Variants in HYDIN observed in about 807,000 individuals in gnomAD.
HYDIN encodes the protein axonemal central pair apparatus protein HYDIN.
HYDIN carries 132 observed loss-of-function variants against 403.9 expected under a neutral mutation model. The observed-to-expected ratio is 0.33, with a 90% confidence interval of 0.28 to 0.38. The LOEUF (loss-of-function observed/expected upper bound fraction) is 0.38, where lower values mean the gene tolerates loss of function less well. Ranked by LOEUF, HYDIN falls within the 10% of genes least tolerant of loss-of-function variation. The probability of loss-of-function intolerance (pLI) is 1.00; values close to 1 mark genes in which losing one functional copy is unlikely to be tolerated. For missense variants in HYDIN, 2,827 were observed against 5,009.5 expected (o/e 0.56, Z 13.15); for synonymous variants, 1,202 against 1,891.7 (o/e 0.64, Z 9.46).
At chr16:71,071,150 A>G (rs1029048229) in intron 13 of HYDIN, among the ~76,000 whole-genome samples, 2 of 141,706 alleles carry the variant, frequency 1.4e-5, no homozygotes, top group African/African-American at 5.3e-5. Flanking sequence ...TGTGGAGCGT[A>G]TTATGGAAAG....
intron 16 of HYDIN, 64 bp from the exon 17 acceptor site, chr16:71,062,397 A>T (rs934946717): frequency 5.1e-6 from 7 of 1,369,334 alleles, no homozygotes; most frequent in African/African-American, 2.9e-5. Flanking sequence ...GTATTTGCTT[A>T]TTTTGAAGTG....
In HYDIN at chr16:70,803,863, G is replaced by A. The variant is rs1018321905; in HGVS notation, c.*3717C>T. Reference sequence around the variant, plus strand: ...TCACTGGGGGCCCAGTGTGGAACGAGGCCAGGGAGCCCCATTCCCATGGTA... The same window carrying A: ...TCACTGGGGGCCCAGTGTGGAACGAAGCCAGGGAGCCCCATTCCCATGGTA... On this transcript the variant is annotated 3_prime_UTR_variant, in exon 86 of 86. Transcript: ENST00000393567. 2.0e-5 allele frequency among the ~76,000 whole-genome samples: 3 copies of A among 152,150 alleles called. No homozygotes were observed. Among genetic ancestry groups the A allele is most frequent in the Non-Finnish European group, 4.4e-5 (3 of 68,026 alleles).
intron 18 of HYDIN, among the ~76,000 whole-genome samples, chr16:71,054,324 G>C (rs1207164194): frequency 6.6e-6 from 1 of 151,852 alleles, no homozygotes; most frequent in Admixed American, 6.6e-5. Context: ...CTCCACAGAT[G>C]TAACAATTTA....
At chr16:71,206,023 T>G (rs910737045) in intron 1 of HYDIN, among the ~76,000 whole-genome samples, 1 of 152,104 alleles carries the variant, frequency 6.6e-6, no homozygotes, top group Non-Finnish European at 1.5e-5. Flanking sequence ...TGCTGAGAGG[T>G]GCAGCCTCCT....
intron 72 of HYDIN, among the ~76,000 whole-genome samples, chr16:70,857,297 G>T (rs1173966201): frequency 2.0e-5 from 1 of 50,340 alleles, no homozygotes; most frequent in Non-Finnish European, 3.4e-5. Context: ...GATATTTGTT[G>T]AACCAAATAA....
rs112797122 is a variant in HYDIN at position 71,200,365 on chromosome 16, G to A, written c.-23-13447C>T. ...ACAAGATCCCAGAACCCTCTCTTGGGGTCTGGATCGGGACCCCTTTCCAGT... is the reference window on the plus strand; with the variant it reads ...ACAAGATCCCAGAACCCTCTCTTGGAGTCTGGATCGGGACCCCTTTCCAGT... On this transcript the variant is annotated intron_variant, in intron 1 of 85. Transcript: ENST00000393567. Among the ~76,000 whole-genome samples the A allele has an allele frequency of 8.5e-3, 1,295 of 152,190 alleles. 18 individuals are homozygous for A. The highest frequency in any genetic ancestry group is 0.03 in the African/African-American group (1,232 of 41,528).
At position 70,943,851 on chromosome 16, in the gene HYDIN, C is replaced by G. The variant is rs534624061; in HGVS notation, c.6630G>C (p.Pro2210=). The change falls in exon 42 of 86, where the codon CCG becomes CCC. Residue 2210 remains proline (P), a synonymous_variant. Transcript: ENST00000393567. ...CCAGGATCTGCACGAGAAGTTCATCCGGGAGCACACAGCTCATCAGCCCGG... is the reference window on the plus strand; with the variant it reads ...CCAGGATCTGCACGAGAAGTTCATCGGGGAGCACACAGCTCATCAGCCCGG... ...GETGLMSCVL[P]DELLVQILAE... is the part of the protein sequence containing the mutation. 1.2e-6 allele frequency: 2 copies of G among 1,613,432 alleles called. No homozygotes were observed. The highest frequency in any genetic ancestry group is 1.3e-5 in the African/African-American group (1 of 74,926).
Position 70,920,656 on chromosome 16 carries a change from G to A in HYDIN, c.7720C>T (p.Pro2574Ser). Reference protein sequence around the residue: ...LGVPFLDIQTPDFEGLSWKQA... With the variant: ...LGVPFLDIQTSDFEGLSWKQA... ...TTCCAGCTCAAGCCTTCAAAGTCTG[G>A]TGTCTGGATGTCTAGGAAGGGTACG... is the stretch of plus-strand genomic sequence containing the variant. The change falls in exon 46 of 86, where the codon CCA becomes TCA. Residue 2574 changes from proline (P) to serine (S), a missense_variant. Physicochemically the swap from Pro to Ser is moderately conservative, Grantham distance 74. Transcript: ENST00000393567. 1 of 1,613,946 alleles carries A rather than the reference G, an allele frequency of 6.2e-7. No individual in the cohort carries two copies. Among genetic ancestry groups the A allele is most frequent in the Non-Finnish European group, 8.5e-7 (1 of 1,179,948 alleles).
At chr16:71,057,857 G>T (rs2081952087) in intron 18 of HYDIN, among the ~76,000 whole-genome samples, 1 of 113,050 alleles carries the variant, frequency 8.8e-6, no homozygotes, top group African/African-American at 3.3e-5. Context: ...CATCATCACT[G>T]GCCATCAGAG....
intron 21 of HYDIN, among the ~76,000 whole-genome samples, chr16:71,022,234 G>A (rs1346774575): frequency 6.6e-6 from 1 of 152,152 alleles, no homozygotes; most frequent in Non-Finnish European, 1.5e-5. Flanking sequence ...AGGCCATTTA[G>A]AGGCTACTGA....
At chr16:71,055,636 T>C (rs2081859584) in intron 18 of HYDIN, among the ~76,000 whole-genome samples, 1 of 126,812 alleles carries the variant, frequency 7.9e-6, no homozygotes, top group Non-Finnish European at 1.7e-5. Flanking sequence ...GAAAAATAAA[T>C]GTTTTAAAAG....
chr16:70,918,119 A>G (rs1329655304), intron 47 of HYDIN, 92 bp downstream of exon 47: 1 of 442,360 alleles, frequency 2.3e-6, no homozygotes, highest in African/African-American at 2.4e-5. Flanking sequence ...ACCTCATGCC[A>G]GGCTCCATTT....
chr16:70,818,321 C>T (rs746463216), intron 84 of HYDIN, 21 bp downstream of exon 84: 8 of 1,583,714 alleles, frequency 5.1e-6, no homozygotes, highest in African/African-American at 1.3e-5. Flanking sequence ...CAGGGAGCCC[C>T]CGACAGCCAA....
intron 1 of HYDIN, among the ~76,000 whole-genome samples, chr16:71,187,753 G>A (rs1246080653): frequency 1.3e-5 from 2 of 151,998 alleles, no homozygotes; most frequent in Admixed American, 6.6e-5. Context: ...AGATTTGAAG[G>A]AAAATGTAAT....
chr16:70,910,430 A>C (rs1029977245), intron 47 of HYDIN, among the ~76,000 whole-genome samples: 1 of 152,222 alleles, frequency 6.6e-6, no homozygotes, highest in African/African-American at 2.4e-5. Context: ...CTTATGGCTG[A>C]GTAGTATTCC....
chr16:71,084,990 G>A (rs2082891401), intron 12 of HYDIN, among the ~76,000 whole-genome samples: 1 of 138,378 alleles, frequency 7.2e-6, no homozygotes, highest in African/African-American at 2.8e-5. Flanking sequence ...CATGTTGCTG[G>A]ATTTGGTTTG....
At chr16:70,812,840 C>T (rs1401242467) in intron 84 of HYDIN, among the ~76,000 whole-genome samples, 2 of 152,168 alleles carry the variant, frequency 1.3e-5, no homozygotes, top group African/African-American at 4.8e-5. Context: ...TTCCCAGCCT[C>T]GTGTAGTCTT....
At chr16:70,904,380 G>A (rs2076470266) in intron 50 of HYDIN, among the ~76,000 whole-genome samples, 1 of 122,168 alleles carries the variant, frequency 8.2e-6, no homozygotes, top group Non-Finnish European at 1.7e-5. Flanking sequence ...CAAATGCCCA[G>A]TGAATGTTAG....
chr16:70,944,531 C>T (rs749572800), intron 41 of HYDIN, among the ~76,000 whole-genome samples: 10 of 152,024 alleles, frequency 6.6e-5, no homozygotes, highest in Non-Finnish European at 1.2e-4. Context: ...GCTCTTTCAA[C>T]GCAAGTGTGC....
Sources: gnomAD v4.1 joint callset for allele counts (sites outside exome capture counted in the v4.1 genomes callset) on GRCh38, gnomAD v4.1.1 for gene constraint, MANE v1.5 for transcripts, NCBI Gene and HGNC (gene_info 2026-07-23, HGNC 2026-07-21) for gene names.